The following LINGO2 variants were observed in gnomAD, a reference collection of about 807,000 sequenced individuals.
The protein encoded by LINGO2 is leucine rich repeat and Ig domain containing 2.
In LINGO2, 14 loss-of-function variants were observed where a neutral mutation model predicts 30.6. The ratio of observed to expected loss-of-function variants is 0.46; its 90% CI spans 0.30 to 0.72. The LOEUF is 0.72. LINGO2 is among the 30% of genes least tolerant of loss of function. The probability of loss-of-function intolerance (pLI) is 0.07; values close to 1 mark genes in which losing one functional copy is unlikely to be tolerated. For missense variants in LINGO2, 729 were observed against 751.7 expected (o/e 0.97, Z 0.35); for synonymous variants, 317 against 288.5 (o/e 1.10, Z -1.00).
At chr9:28,244,738 C>G (rs1253287968) in intron 4 of LINGO2, among the ~76,000 whole-genome samples, 2 of 151,340 alleles carry the variant, frequency 1.3e-5, no homozygotes, top group Non-Finnish European at 2.9e-5. Flanking sequence ...TACACCCTCC[C>G]AAAACTAAAC....
the LINGO2 span, among the ~76,000 whole-genome samples, chr9:29,176,577 G>A: frequency 6.6e-6 from 1 of 152,168 alleles, no homozygotes; most frequent in African/African-American, 2.4e-5. Context: ...GCTTAATCTT[G>A]TGTGTCTCTC....
chr9:29,199,110 T>G, the LINGO2 span, among the ~76,000 whole-genome samples: 11 of 152,122 alleles, frequency 7.2e-5, no homozygotes, highest in Non-Finnish European at 1.5e-4. Context: ...CATTGAAGTT[T>G]CAGTGATGTC....
chr9:28,762,631 C>T, the LINGO2 span, among the ~76,000 whole-genome samples: 2 of 152,044 alleles, frequency 1.3e-5, no homozygotes, highest in Non-Finnish European at 2.9e-5. Context: ...TTGCTGCTGC[C>T]TAGATATCTG....
the LINGO2 span, among the ~76,000 whole-genome samples, chr9:29,032,956 A>T: frequency 6.6e-6 from 1 of 152,132 alleles, no homozygotes; most frequent in Non-Finnish European, 1.5e-5. Flanking sequence ...AATTAAACCA[A>T]TATGAGGACT....
At chr9:29,212,255 C>T in the LINGO2 span, among the ~76,000 whole-genome samples, 1 of 151,946 alleles carries the variant, frequency 6.6e-6, no homozygotes, top group African/African-American at 2.4e-5. Context: ...CCGCCCCTGC[C>T]GCGCGGGCTC....
At chr9:29,099,124 C>A in the LINGO2 span, among the ~76,000 whole-genome samples, 3 of 152,282 alleles carry the variant, frequency 2.0e-5, no homozygotes, top group African/African-American at 7.2e-5. Flanking sequence ...ATTACATACA[C>A]TGGGGAAAAG....
the LINGO2 span, among the ~76,000 whole-genome samples, chr9:28,767,406 G>A: frequency 6.6e-6 from 1 of 152,200 alleles, no homozygotes; most frequent in African/African-American, 2.4e-5. Flanking sequence ...GACATTTATA[G>A]CAATTACTTC....
At chr9:28,439,104 T>C (rs1415559901) in intron 2 of LINGO2, among the ~76,000 whole-genome samples, 1 of 148,012 alleles carries the variant, frequency 6.8e-6, no homozygotes, top group African/African-American at 2.5e-5. Flanking sequence ...TTATATATAA[T>C]GAAATATAGA....
At chr9:28,280,915 T>G (rs1823299715) in intron 4 of LINGO2, among the ~76,000 whole-genome samples, 1 of 152,130 alleles carries the variant, frequency 6.6e-6, no homozygotes, top group Non-Finnish European at 1.5e-5. Flanking sequence ...TAAAGCCCAG[T>G]GATTATTTTC....
chr9:28,082,127 T>C (rs1226578128), intron 4 of LINGO2, among the ~76,000 whole-genome samples: 3 of 152,142 alleles, frequency 2.0e-5, no homozygotes, highest in Non-Finnish European at 4.4e-5. Flanking sequence ...CTGCCAGAAG[T>C]AGGTGGGGGT....
At chr9:29,050,019 G>A in the LINGO2 span, among the ~76,000 whole-genome samples, 2 of 148,012 alleles carry the variant, frequency 1.4e-5, no homozygotes, top group South Asian at 4.3e-4. Flanking sequence ...ATGATGTGAT[G>A]ATGTGCTTAT....
intron 5 of LINGO2, among the ~76,000 whole-genome samples, chr9:27,963,738 TAAAA>T (rs200590304): frequency 8.3e-6 from 1 of 120,862 alleles, no homozygotes. Flanking sequence ...GAGGTAAGGG[TAAAA>T]AAAAAAAAAA....
the LINGO2 span, among the ~76,000 whole-genome samples, chr9:28,771,250 C>T: frequency 6.7e-6 from 1 of 148,222 alleles, no homozygotes; most frequent in Non-Finnish European, 1.5e-5. Flanking sequence ...TGGGAATAAA[C>T]ATAAAATGAA....
At chr9:28,759,696 A>T in the LINGO2 span, among the ~76,000 whole-genome samples, 1 of 151,882 alleles carries the variant, frequency 6.6e-6, no homozygotes, top group African/African-American at 2.4e-5. Flanking sequence ...AGAAAAAAAA[A>T]AAAGAAAGAA....
chr9:29,084,485 C>T, the LINGO2 span, among the ~76,000 whole-genome samples: 2 of 151,996 alleles, frequency 1.3e-5, no homozygotes, highest in Non-Finnish European at 2.9e-5. Context: ...TTCCATTTTG[C>T]AGGGGATAAT....
the LINGO2 span, among the ~76,000 whole-genome samples, chr9:29,043,623 A>G: frequency 6.6e-6 from 1 of 152,002 alleles, no homozygotes; most frequent in South Asian, 2.1e-4. Context: ...CCTGCCTGCC[A>G]CTTATGAAAT....
chr9:28,702,482 A>G, the LINGO2 span, among the ~76,000 whole-genome samples: 21 of 151,936 alleles, frequency 1.4e-4, no homozygotes, highest in Non-Finnish European at 2.2e-4. Context: ...CCTGGAATAA[A>G]TCCCACTTGG....
At chr9:28,576,791 TG>T (rs932751234) in intron 1 of LINGO2, among the ~76,000 whole-genome samples, 6 of 152,176 alleles carry the variant, frequency 3.9e-5, no homozygotes, top group Non-Finnish European at 7.3e-5. Context: ...TGTGAGATTT[TG>T]GTGTACCCTT....
At chr9:28,498,101 G>A (rs559450888) in intron 1 of LINGO2, among the ~76,000 whole-genome samples, 18 of 152,260 alleles carry the variant, frequency 1.2e-4, no homozygotes, top group African/African-American at 4.3e-4. Context: ...GTTACTTGGG[G>A]GTCAGGGACC....
Sources: gnomAD v4.1 joint callset for allele counts (sites outside exome capture counted in the v4.1 genomes callset) on GRCh38, gnomAD v4.1.1 for gene constraint, MANE v1.5 for transcripts, NCBI Gene and HGNC (gene_info 2026-07-23, HGNC 2026-07-21) for gene names.